Variants in POLR1A observed in about 807,000 individuals in gnomAD.
The protein encoded by POLR1A is RNA polymerase I subunit A.
A neutral mutation model predicts 205.3 loss-of-function variants in POLR1A; 84 were observed. The observed-to-expected ratio is 0.41, with a 90% CI of 0.34 to 0.49. The LOEUF is 0.49. Ranked by LOEUF, POLR1A falls within the 20% of genes least tolerant of loss-of-function variation. POLR1A has a pLI of 0.22. For missense variants in POLR1A, 1,645 were observed against 2,204.5 expected, an observed-to-expected ratio of 0.75 and a Z score of 5.08; for synonymous variants, 799 against 863.7, an observed-to-expected ratio of 0.93 and a Z score of 1.31.
chr2:86,072,207 C>T lies in POLR1A; in HGVS notation c.1612-1935G>A, dbSNP rs552443270. 3.3e-5 allele frequency among the ~76,000 whole-genome samples: 5 copies of T among 152,342 alleles called. No individual in the cohort carries two copies. In the South Asian group the frequency reaches 1.0e-3, roughly 32 times the overall value. On this transcript the variant is annotated intron_variant, in intron 12 of 33. Transcript: ENST00000263857. Reference sequence around the variant, plus strand: ...ACCTAGCATGGAGTCCGTCTTTTTGCTCCCGAAGGAATTCAAACCTTCCCC... The same window carrying T: ...ACCTAGCATGGAGTCCGTCTTTTTGTTCCCGAAGGAATTCAAACCTTCCCC...
intron 3 of POLR1A, among the ~76,000 whole-genome samples, chr2:86,098,036 A>C (rs1673738800): frequency 6.6e-6 from 1 of 152,202 alleles, no homozygotes. Context: ...ACAAAAAAAG[A>C]CCAAAAAAAC....
chr2:86,089,811 T>C lies in POLR1A; in HGVS notation c.540+11A>G. On this transcript the variant is annotated intron_variant, in intron 4 of 33. Transcript: ENST00000263857. Reference sequence around the variant, plus strand: ...CCAAAACAGCATGGGAGAAAGACAGTGTTAACTCACATGTGCGCCCTGGGA... The same window carrying C: ...CCAAAACAGCATGGGAGAAAGACAGCGTTAACTCACATGTGCGCCCTGGGA... The C allele has an allele frequency of 6.8e-7, 1 of 1,470,404 alleles. No homozygotes were observed. Among genetic ancestry groups the C allele is most frequent in the South Asian group, 1.1e-5 (1 of 88,106 alleles). 91.1% of individuals were successfully genotyped at this position (1,470,404 alleles called of 1,614,324 possible). A position where few individuals can be genotyped will look rare whatever the true frequency, so the allele number is the denominator to read the frequency against.
chr2:86,067,697 T>A (rs1204679603), intron 13 of POLR1A, among the ~76,000 whole-genome samples: 1 of 152,044 alleles, frequency 6.6e-6, no homozygotes, highest in Non-Finnish European at 1.5e-5. Context: ...CTAAGAAAAA[T>A]TACCTCAAAA....
chr2:86,040,386 C>G lies in POLR1A; in HGVS notation c.3740+6G>C. The G allele has an allele frequency of 6.3e-7, 1 of 1,595,818 alleles. No individual in the cohort carries two copies. Among genetic ancestry groups the G allele is most frequent in the South Asian group, 1.1e-5 (1 of 87,448 alleles). On this transcript the variant is annotated splice_donor_region_variant and intron_variant, in intron 25 of 33. Coordinates refer to ENST00000263857, the MANE Select transcript of POLR1A (RefSeq NM_015425.6). Reference sequence around the variant, plus strand: ...ACCCCACCCTGTGCTCCCTTGTGCCCCACACCTTGGAATGCCCAGGGTGAC... The same window carrying G: ...ACCCCACCCTGTGCTCCCTTGTGCCGCACACCTTGGAATGCCCAGGGTGAC...
chr2:86,047,472 C>T (rs968281606), intron 18 of POLR1A, among the ~76,000 whole-genome samples: 1 of 152,226 alleles, frequency 6.6e-6, no homozygotes, highest in African/African-American at 2.4e-5. Flanking sequence ...CCCTGCCCTG[C>T]ACTCGCTGGA....
intron 27 of POLR1A, among the ~76,000 whole-genome samples, chr2:86,035,032 G>A (rs763240002): frequency 2.0e-5 from 3 of 152,046 alleles, no homozygotes; most frequent in Non-Finnish European, 4.4e-5. Context: ...CACCATGCCC[G>A]ACTAATTTTT....
In POLR1A at chr2:86,070,889, GA is replaced by G. The variant is rs1208339380; in HGVS notation, c.1612-618del. On this transcript the variant is annotated intron_variant, in intron 12 of 33. Transcript: ENST00000263857. This position sits in a 1 kb window ranked among gnomAD's most constrained non-coding sequence, Gnocchi z 4.4. ...TCATAGTCTTTTGGGAACAGAGTTTGAAAATAGCAATTAAAACACTTAAAAC... is the reference window on the plus strand; with the variant it reads ...TCATAGTCTTTTGGGAACAGAGTTTGAAATAGCAATTAAAACACTTAAAAC... Among the ~76,000 whole-genome samples, 2 of 151,840 alleles carry G rather than the reference GA, an allele frequency of 1.3e-5. No individual in the cohort carries two copies. The highest frequency in any genetic ancestry group is 4.8e-5 in the African/African-American group (2 of 41,312).
At chr2:86,076,281 T>C (rs1174001582) in intron 11 of POLR1A, among the ~76,000 whole-genome samples, 2 of 152,196 alleles carry the variant, frequency 1.3e-5, no homozygotes, top group Non-Finnish European at 2.9e-5. Context: ...GCAGCAACAC[T>C]TTCTCAGAAG....
Position 86,088,927 on chromosome 2 carries a change from T to C in POLR1A, c.541-57A>G, listed in dbSNP as rs1673554222. ...GAGTGCCATTTTGAAGAGAATCCAA[T>C]ATATTTACTTTATGGTTTTCACCTT... On this transcript the variant is annotated intron_variant, in intron 4 of 33. Coordinates refer to ENST00000263857, the MANE Select transcript of POLR1A (RefSeq NM_015425.6). 4.9e-6 allele frequency: 6 copies of C among 1,230,318 alleles called. No homozygotes were observed. The South Asian group carries it at 5.1e-5, about 10-fold the overall frequency. The allele number at this position is 1,230,318 out of a possible 1,614,324, so 76.2% of individuals were successfully genotyped here.
At chr2:86,066,706 C>A (rs311565) in intron 13 of POLR1A, among the ~76,000 whole-genome samples, 125,589 of 152,140 alleles carry the variant, frequency 0.83, 52,521 homozygotes, top group Non-Finnish European at 0.89. Flanking sequence ...TGTACTAACT[C>A]AAAGGCTAAA....
chr2:86,095,501 T>G (rs1673687086), intron 3 of POLR1A, among the ~76,000 whole-genome samples: 1 of 152,204 alleles, frequency 6.6e-6, no homozygotes. Flanking sequence ...AATAACATTT[T>G]TACATATCAA....
At chr2:86,031,114 C>T (rs567830064) in intron 30 of POLR1A, among the ~76,000 whole-genome samples, 3 of 152,194 alleles carry the variant, frequency 2.0e-5, no homozygotes, top group Non-Finnish European at 4.4e-5. Flanking sequence ...GGTTTATAGC[C>T]ATCACCAGAT....
At chr2:86,077,451 G>C (rs1332682887) in intron 11 of POLR1A, among the ~76,000 whole-genome samples, 2 of 152,142 alleles carry the variant, frequency 1.3e-5, no homozygotes, top group Admixed American at 1.3e-4. Context: ...AAGTACACAG[G>C]ACTGATAACT....
At position 86,020,508 on chromosome 2, in the gene POLR1A, C is replaced by A. The variant is rs1268714739; in HGVS notation, c.*6915G>T. On this transcript the variant is annotated 3_prime_UTR_variant, in exon 34 of 34. Transcript: ENST00000263857. ...GGCTGCTGTGAGCCGTGATTGCAAC[C>A]CTGCACTCCAGCCTGGGCAACAGAG... 1 of 145,346 alleles carries A rather than the reference C, an allele frequency of 6.9e-6. No homozygotes were observed. The highest frequency in any genetic ancestry group is 1.5e-5 in the Non-Finnish European group (1 of 67,268). 9.0% of individuals were successfully genotyped at this position (145,346 alleles called of 1,614,324 possible). A position where few individuals can be genotyped will look rare whatever the true frequency, so the allele number is the denominator to read the frequency against.
intron 6 of POLR1A, among the ~76,000 whole-genome samples, chr2:86,083,890 A>G (rs1355908325): frequency 6.6e-6 from 1 of 152,222 alleles, no homozygotes. Flanking sequence ...CTGGGATGCC[A>G]TCTACCAGCA....
Position 86,024,363 on chromosome 2 carries a change from AAGGAAT to A in POLR1A, c.*3054_*3059del, listed in dbSNP as rs1306799383. 1 of 156,978 alleles carries A rather than the reference AAGGAAT, an allele frequency of 6.4e-6. No homozygotes were observed. The highest frequency in any genetic ancestry group is 1.8e-4 in the East Asian group (1 of 5,444). 9.7% of individuals were successfully genotyped at this position (156,978 alleles called of 1,614,324 possible). A position where few individuals can be genotyped will look rare whatever the true frequency, so the allele number is the denominator to read the frequency against. On this transcript the variant is annotated 3_prime_UTR_variant, in exon 34 of 34. Transcript: ENST00000263857. The stretch of plus-strand genomic sequence containing the variant: ...TGGTTGCCAGGGGCTGGGGAGGTGG[AAGGAAT>A]AGGGAGTTAGTGCTCAATGGATACA...
At position 86,026,984 on chromosome 2, in the gene POLR1A, G is replaced by A. The variant is rs1672270020; in HGVS notation, c.*439C>T. ...GGAGCCCCCAGGAATCTTGTCTGTT[G>A]TCCCTGGCCACTCACAGCAAAAGAA... On this transcript the variant is annotated 3_prime_UTR_variant, in exon 34 of 34. Transcript: ENST00000263857. 5.5e-6 allele frequency: 1 copy of A among 181,508 alleles called. No homozygotes were observed. Among genetic ancestry groups the A allele is most frequent in the Non-Finnish European group, 1.2e-5 (1 of 84,068 alleles). 11.2% of individuals were successfully genotyped at this position (181,508 alleles called of 1,614,324 possible). A position where few individuals can be genotyped will look rare whatever the true frequency, so the allele number is the denominator to read the frequency against.
rs1271917629 is a variant in POLR1A, at chr2:86,021,255, T to G, written c.*6168A>C. ...TGAAAACACTGCAGCGGGCAGCCAG[T>G]CCGGAAGGCAGCATCTGGCAGGGCC... On this transcript the variant is annotated 3_prime_UTR_variant, in exon 34 of 34. Transcript: ENST00000263857. 2.0e-5 allele frequency: 3 copies of G among 152,326 alleles called. No individual in the cohort carries two copies. The highest frequency in any genetic ancestry group is 2.9e-5 in the Non-Finnish European group (2 of 68,122). The allele number at this position is 152,326 out of a possible 1,614,324, so 9.4% of individuals were successfully genotyped here.
chr2:86,079,812 T>G (rs1241659057), intron 9 of POLR1A, among the ~76,000 whole-genome samples: 4 of 152,122 alleles, frequency 2.6e-5, no homozygotes, highest in African/African-American at 9.7e-5. Context: ...ACCTCCTGCC[T>G]CAGCCTCCCA....
Sources: gnomAD v4.1 joint callset for allele counts (sites outside exome capture counted in the v4.1 genomes callset) on GRCh38, gnomAD v4.1.1 for gene constraint, Gnocchi (gnomAD v3.1) non-coding constraint, MANE v1.5 for transcripts, NCBI Gene and HGNC (gene_info 2026-07-23, HGNC 2026-07-21) for gene names.